Variants in BLTP1 observed in about 807,000 individuals in gnomAD.
BLTP1 encodes bridge-like lipid transfer protein family member 1.
the BLTP1 span, among the ~76,000 whole-genome samples, chr4:122,272,766 T>A: frequency 1.3e-5 from 2 of 152,092 alleles, no homozygotes; most frequent in Non-Finnish European, 2.9e-5. Context: ...CATAGAAATC[T>A]TATAATCTAA....
At chr4:122,360,145 G>A in the BLTP1 span, 1 of 647,374 alleles carries the variant, frequency 1.5e-6, no homozygotes, top group African/African-American at 2.0e-5. Context: ...CTGTATATAT[G>A]TCATAACACT....
At chr4:122,349,695 T>C in the BLTP1 span, 8 of 1,555,586 alleles carry the variant, frequency 5.1e-6, no homozygotes, top group South Asian at 2.4e-5. This position sits in a 1 kb window ranked among gnomAD's most constrained non-coding sequence, Gnocchi z 4.5. Flanking sequence ...TCTCAACATA[T>C]TGTCTATCAT....
the BLTP1 span, among the ~76,000 whole-genome samples, chr4:122,168,831 A>G: frequency 6.6e-6 from 1 of 152,122 alleles, no homozygotes; most frequent in Admixed American, 6.5e-5. Context: ...TGAGCTCTGT[A>G]TTATTTTCTT....
the BLTP1 span, chr4:122,164,278 G>T: frequency 4.0e-6 from 2 of 497,824 alleles, no homozygotes; most frequent in Non-Finnish European, 5.2e-6. Flanking sequence ...AAAAAAAGCC[G>T]TTTTCCCAAC....
chr4:122,209,675 T>C, the BLTP1 span: 1 of 1,074,928 alleles, frequency 9.3e-7, no homozygotes, highest in Non-Finnish European at 1.3e-6. Flanking sequence ...AAAATAAAAT[T>C]AGTGACAAGT....
the BLTP1 span, among the ~76,000 whole-genome samples, chr4:122,185,647 GA>G: frequency 2.0e-5 from 3 of 151,976 alleles, no homozygotes; most frequent in East Asian, 5.8e-4. Context: ...ATACCAATAT[GA>G]TAGTTAAATA....
chr4:122,266,013 C>T, the BLTP1 span, among the ~76,000 whole-genome samples: 1 of 152,022 alleles, frequency 6.6e-6, no homozygotes, highest in Admixed American at 6.6e-5. Flanking sequence ...TTTTTTTAAG[C>T]TTCAGGAAAA....
chr4:122,155,156 T>A, the BLTP1 span, among the ~76,000 whole-genome samples: 10 of 152,314 alleles, frequency 6.6e-5, no homozygotes, highest in African/African-American at 2.4e-4. Flanking sequence ...TTTTTGTGAA[T>A]TAATATGTTT....
chr4:122,174,301 A>C, the BLTP1 span: 2 of 984,976 alleles, frequency 2.0e-6, no homozygotes, highest in East Asian at 2.3e-4. Flanking sequence ...GGCAGTGCAT[A>C]ATTAAGGGAA....
At chr4:122,211,246 C>A in the BLTP1 span, 1 of 673,154 alleles carries the variant, frequency 1.5e-6, no homozygotes, top group Non-Finnish European at 2.5e-6. Flanking sequence ...GGGTGCTAGA[C>A]TCAATTACAA....
the BLTP1 span, chr4:122,154,791 G>C: frequency 1.7e-5 from 3 of 176,742 alleles, no homozygotes; most frequent in Non-Finnish European, 3.3e-5. Context: ...AGAATGGCAT[G>C]AACCCAGGAG....
the BLTP1 span, chr4:122,200,486 A>G: frequency 1.4e-6 from 1 of 733,028 alleles, no homozygotes; most frequent in Non-Finnish European, 1.7e-6. Context: ...AGGCTGAGGC[A>G]CAAGAATTGC....
the BLTP1 span, chr4:122,299,870 A>T: frequency 5.1e-6 from 5 of 984,944 alleles, no homozygotes; most frequent in Non-Finnish European, 6.0e-6. Context: ...AGAAAAGAAA[A>T]TGTAATCTGT....
At chr4:122,212,891 A>T in the BLTP1 span, among the ~76,000 whole-genome samples, 1 of 135,712 alleles carries the variant, frequency 7.4e-6, no homozygotes, top group Non-Finnish European at 1.7e-5. Context: ...TAAAATGTCT[A>T]TTAAAGCAAA....
chr4:122,245,190 G>T, the BLTP1 span: 1 of 1,484,594 alleles, frequency 6.7e-7, no homozygotes, highest in Non-Finnish European at 9.3e-7. Flanking sequence ...ATTTATCATG[G>T]TTACAGAATA....
At chr4:122,304,306 G>C in the BLTP1 span, among the ~76,000 whole-genome samples, 1 of 152,128 alleles carries the variant, frequency 6.6e-6, no homozygotes, top group Admixed American at 6.5e-5. Context: ...CCGACTCCCT[G>C]GTTCAAGCTA....
chr4:122,209,609 C>T, the BLTP1 span, among the ~76,000 whole-genome samples: 1 of 152,118 alleles, frequency 6.6e-6, no homozygotes, highest in Admixed American at 6.6e-5. Flanking sequence ...CGCACCACTG[C>T]ACTCCAGCTT....
At chr4:122,175,276 T>G in the BLTP1 span, 1 of 984,588 alleles carries the variant, frequency 1.0e-6, no homozygotes, top group Non-Finnish European at 1.2e-6. Context: ...TCTATACTAG[T>G]CTAAAATTAT....
the BLTP1 span, among the ~76,000 whole-genome samples, chr4:122,178,341 A>C: frequency 6.6e-6 from 1 of 152,224 alleles, no homozygotes; most frequent in Non-Finnish European, 1.5e-5. Flanking sequence ...TTAGGCATAC[A>C]CTTTAAAGGC....
Sources: allele counts gnomAD v4.1 joint callset (sites outside exome capture counted in the v4.1 genomes callset), GRCh38; gene constraint gnomAD v4.1.1; non-coding constraint Gnocchi (gnomAD v3.1); transcripts MANE v1.5; gene names NCBI Gene and HGNC (gene_info 2026-07-23, HGNC 2026-07-21).